The following DBNL variants were observed in gnomAD, a reference collection of about 807,000 sequenced individuals.
The protein encoded by DBNL is drebrin-like protein.
Under a neutral mutation model 62.2 loss-of-function variants are expected in DBNL, and 35 were observed. The ratio of observed to expected loss-of-function variants is 0.56; its 90% confidence interval spans 0.43 to 0.75. The LOEUF (loss-of-function observed/expected upper bound fraction) is 0.75. Ranked by LOEUF, DBNL falls within the 30% of genes least tolerant of loss-of-function variation. DBNL has a pLI of 0.00. For synonymous variants in DBNL, 197 were observed against 218.0 expected, an observed-to-expected ratio of 0.90 and a Z score of 0.85; for missense variants, 495 against 578.4, an observed-to-expected ratio of 0.86 and a Z score of 1.48.
chr7:44,051,460 A>G (rs1229993678), intron 2 of DBNL: 1 of 193,552 alleles, frequency 5.2e-6, no homozygotes, highest in Non-Finnish European at 1.1e-5. Flanking sequence ...TGTGGCAACA[A>G]TAAAATTTTG....
chr7:44,055,332 G>A (rs2096134312), intron 4 of DBNL, among the ~76,000 whole-genome samples: 1 of 152,174 alleles, frequency 6.6e-6, no homozygotes, highest in African/African-American at 2.4e-5. Context: ...GCCAGGTGTG[G>A]TGGCGGGCAC....
rs549071554 is a variant in DBNL, at chr7:44,069,179, C to T, written c.*8263C>T. On this transcript the variant is annotated 3_prime_UTR_variant, in exon 13 of 13. Coordinates refer to ENST00000448521, the MANE Select transcript of DBNL (RefSeq NM_001014436.3). ...TTCAGACAGAAGAGATTACTGGGGGCAATTCAAAACTTTGGGAATGCAGGA... is the reference window on the plus strand; with the variant it reads ...TTCAGACAGAAGAGATTACTGGGGGTAATTCAAAACTTTGGGAATGCAGGA... 64 of 152,268 alleles carry T rather than the reference C, an allele frequency of 4.2e-4. No homozygotes were observed. Among genetic ancestry groups the T allele is most frequent in the Non-Finnish European group, 7.8e-4 (53 of 68,024 alleles). The allele number at this position is 152,268 out of a possible 1,614,324, so 9.4% of individuals were successfully genotyped here.
chr7:44,059,109 G>T lies in DBNL; in HGVS notation c.835+126G>T. The T allele has an allele frequency of 9.3e-7, 1 of 1,076,534 alleles. No individual in the cohort carries two copies. 66.7% of individuals were successfully genotyped at this position (1,076,534 alleles called of 1,614,324 possible). A position where few individuals can be genotyped will look rare whatever the true frequency, so the allele number is the denominator to read the frequency against. ...TGACGGGTGAGTGAGTGAGGAGAAG[G>T]GACACCTGGGGCCATTGACCTCATC... On this transcript the variant is annotated intron_variant, in intron 9 of 12. Coordinates refer to ENST00000448521, the MANE Select transcript of DBNL (RefSeq NM_001014436.3). The surrounding 1 kb of genome is among the most constrained non-coding windows in gnomAD (Gnocchi z 4.1).
In DBNL at chr7:44,064,964, T is replaced by C; in HGVS notation, c.*4048T>C. On this transcript the variant is annotated 3_prime_UTR_variant, in exon 13 of 13. Transcript: ENST00000448521. The stretch of plus-strand genomic sequence containing the variant: ...GCCCGGGCAATGGTGTCCTTGAGGC[T>C]CTCGCAGGTGGGGAGTTCCCCGGGC... 6.2e-7 allele frequency: 1 copy of C among 1,608,160 alleles called. No individual in the cohort carries two copies. Among genetic ancestry groups the C allele is most frequent in the Non-Finnish European group, 8.5e-7 (1 of 1,179,644 alleles).
rs1271996603 is a variant in DBNL at position 44,061,897 on chromosome 7, G to A, written c.*981G>A. On this transcript the variant is annotated 3_prime_UTR_variant, in exon 13 of 13. Transcript: ENST00000448521. The stretch of plus-strand genomic sequence containing the variant: ...ATCAGCCACCAGGAAGAGGCTAAAT[G>A]TTAAGATGGGACTGAAGTTGGAGCC... 6.6e-6 allele frequency: 1 copy of A among 152,314 alleles called. No individual in the cohort carries two copies. The highest frequency in any genetic ancestry group is 6.5e-5 in the Admixed American group (1 of 15,284). 9.4% of individuals were successfully genotyped at this position (152,314 alleles called of 1,614,324 possible). A position where few individuals can be genotyped will look rare whatever the true frequency, so the allele number is the denominator to read the frequency against.
chr7:44,044,851 AGGGGCTGCCTCAGGGGTGGGTCTGTCTG>A (rs1272542719), intron 1 of DBNL, 31 bp downstream of exon 1: 1 of 1,329,432 alleles, frequency 7.5e-7, no homozygotes, highest in Non-Finnish European at 9.7e-7. Context: ...GGGTCGGGCC[AGGGGCTGCCTCAGGGGTGGGTCTGTCTG>A]GGGCGAGCGG....
At chr7:44,058,739 A>T in intron 8 of DBNL, 163 bp from the exon 9 acceptor site, 1 of 868,674 alleles carries the variant, frequency 1.2e-6, no homozygotes, top group Non-Finnish European at 1.8e-6. Context: ...TTTTAACGTT[A>T]CTTTTTATTT....
rs756853885 is a variant in DBNL, at chr7:44,059,216, C to T, written c.836-138C>T. On this transcript the variant is annotated intron_variant, in intron 9 of 12. Coordinates refer to ENST00000448521, the MANE Select transcript of DBNL (RefSeq NM_001014436.3). The surrounding 1 kb of genome is among the most constrained non-coding windows in gnomAD (Gnocchi z 4.1). ...CCACGTCACCACATAGCACATGGCC[C>T]TGGGGCCTCTGTTCCTGCACTAGCA... 9 of 974,716 alleles carry T rather than the reference C, an allele frequency of 9.2e-6. No individual in the cohort carries two copies. The highest frequency in any genetic ancestry group is 1.4e-5 in the Non-Finnish European group (9 of 657,640). 60.4% of individuals were successfully genotyped at this position (974,716 alleles called of 1,614,324 possible).
At chr7:44,056,946 G>A in intron 5 of DBNL, 43 bp downstream of exon 5, 5 of 1,610,440 alleles carry the variant, frequency 3.1e-6, no homozygotes, top group South Asian at 1.1e-5. Flanking sequence ...GTTGCTCAGG[G>A]CCTGAGGCAG....
chr7:44,065,537 G>A lies in DBNL; in HGVS notation c.*4621G>A, dbSNP rs1480751322. The A allele has an allele frequency of 1.9e-6, 3 of 1,613,524 alleles. No homozygotes were observed. The highest frequency in any genetic ancestry group is 2.2e-5 in the South Asian group (2 of 91,078). On this transcript the variant is annotated 3_prime_UTR_variant, in exon 13 of 13. Coordinates refer to ENST00000448521, the MANE Select transcript of DBNL (RefSeq NM_001014436.3). The stretch of plus-strand genomic sequence containing the variant: ...GAGGCGGTGAGTGGCCATGGTGGCA[G>A]CAGGGACCACAGAGGACTCTGGACG...
rs752278107 is a variant in DBNL at position 44,050,262 on chromosome 7, C to T, written c.121C>T (p.Arg41Cys). ...FTYEGNSNDI[R>C]VAGTGEGGLE... ...CTATGAAGGCAACAGCAATGACATC[C>T]GCGTGGCTGGCACAGGGGGTGAGTA... Residue 41 changes from arginine to cysteine, a missense_variant, in exon 2 of 13, where the codon CGC becomes TGC. Transcript: ENST00000448521. 6.2e-6 allele frequency: 10 copies of T among 1,613,582 alleles called. No homozygotes were observed. Among genetic ancestry groups the T allele is most frequent in the Non-Finnish European group, 8.5e-6 (10 of 1,179,732 alleles).
chr7:44,067,935 A>G lies in DBNL; in HGVS notation c.*7019A>G, dbSNP rs1304356791. On this transcript the variant is annotated 3_prime_UTR_variant, in exon 13 of 13. Coordinates refer to ENST00000448521, the MANE Select transcript of DBNL (RefSeq NM_001014436.3). ...TGAAACCTCAAGTGCACCAACAGAAAGAGCTCCAGGAAGAATCAGAGGAGT... is the reference window on the plus strand; with the variant it reads ...TGAAACCTCAAGTGCACCAACAGAAGGAGCTCCAGGAAGAATCAGAGGAGT... 1 of 152,234 alleles carries G rather than the reference A, an allele frequency of 6.6e-6. No individual in the cohort carries two copies. Among genetic ancestry groups the G allele is most frequent in the African/African-American group, 2.4e-5 (1 of 41,444 alleles). 9.4% of individuals were successfully genotyped at this position (152,234 alleles called of 1,614,324 possible).
Position 44,064,994 on chromosome 7 carries a change from G to A in DBNL, c.*4078G>A, listed in dbSNP as rs371397012. 6.8e-6 allele frequency: 11 copies of A among 1,606,494 alleles called. No homozygotes were observed. The African/African-American group carries it at 1.5e-4, about 21-fold the overall frequency. On this transcript the variant is annotated 3_prime_UTR_variant, in exon 13 of 13. Coordinates refer to ENST00000448521, the MANE Select transcript of DBNL (RefSeq NM_001014436.3). ...CAGGTGGGGAGTTCCCCGGGCTTCAGGCCTGCGTACCGACGCTCCTGGGGG... is the reference window on the plus strand; with the variant it reads ...CAGGTGGGGAGTTCCCCGGGCTTCAAGCCTGCGTACCGACGCTCCTGGGGG...
chr7:44,064,535 CCCTT>C lies in DBNL; in HGVS notation c.*3622_*3625del. The C allele has an allele frequency of 2.2e-6, 1 of 460,376 alleles. No individual in the cohort carries two copies. Among genetic ancestry groups the C allele is most frequent in the Non-Finnish European group, 4.0e-6 (1 of 248,970 alleles). The allele number at this position is 460,376 out of a possible 1,614,324, so 28.5% of individuals were successfully genotyped here. ...TTGGAGCCAGATGCTCTAAGCCCAG[CCCTT>C]CCGTTTCCTAGCTGGGTGTCCCTTG... is the stretch of plus-strand genomic sequence containing the variant. On this transcript the variant is annotated 3_prime_UTR_variant, in exon 13 of 13. Coordinates refer to ENST00000448521, the MANE Select transcript of DBNL (RefSeq NM_001014436.3).
At position 44,060,850 on chromosome 7, in the gene DBNL, G is replaced by A; in HGVS notation, c.1227G>A (p.Trp409Ter). ...TCGAGGTGATCGACGAAGGCTGGTGGCGTGGCTATGGGCCGGATGGCCATT... is the reference window on the plus strand; with the variant it reads ...TCGAGGTGATCGACGAAGGCTGGTGACGTGGCTATGGGCCGGATGGCCATT... ...TGIEVIDEGW[W>*]RGYGPDGHFG... is the part of the protein sequence containing the mutation. Residue 409 changes from tryptophan (W) to a stop codon, truncating the protein, a stop_gained, in exon 13 of 13, where the codon TGG (tryptophan) becomes TGA (stop). Coordinates refer to ENST00000448521, the MANE Select transcript of DBNL (RefSeq NM_001014436.3). LOFTEE classifies it high-confidence loss of function. This position sits in a 1 kb window ranked among gnomAD's most constrained non-coding sequence, Gnocchi z 6.3. 6.2e-7 allele frequency: 1 copy of A among 1,614,114 alleles called. No homozygotes were observed. The highest frequency in any genetic ancestry group is 1.1e-5 in the South Asian group (1 of 91,078).
rs1034635179 is a variant in DBNL, at chr7:44,065,230, C to T, written c.*4314C>T. ...CCCCGTGCTTGGCGGCCGTTTCTGC[C>T]TTGTTGAGGCCTGTGAGGCCCCCGT... is the stretch of plus-strand genomic sequence containing the variant. On this transcript the variant is annotated 3_prime_UTR_variant, in exon 13 of 13. Transcript: ENST00000448521. 3.7e-6 allele frequency: 6 copies of T among 1,613,894 alleles called. No homozygotes were observed. The highest frequency in any genetic ancestry group is 1.6e-4 in the Middle Eastern group (1 of 6,084).
rs1309301438 is a variant in DBNL at position 44,067,091 on chromosome 7, G to C, written c.*6175G>C. On this transcript the variant is annotated 3_prime_UTR_variant, in exon 13 of 13. Coordinates refer to ENST00000448521, the MANE Select transcript of DBNL (RefSeq NM_001014436.3). ...ATAATGTACTGGGAGAGATGGGAAA[G>C]GAGAGGCCGGGGACAGCCCTGAGGT... The C allele has an allele frequency of 6.6e-6, 1 of 152,626 alleles. No individual in the cohort carries two copies. The highest frequency in any genetic ancestry group is 6.5e-5 in the Admixed American group (1 of 15,290). 9.5% of individuals were successfully genotyped at this position (152,626 alleles called of 1,614,324 possible). A position where few individuals can be genotyped will look rare whatever the true frequency, so the allele number is the denominator to read the frequency against.
chr7:44,052,992 G>C, intron 4 of DBNL, 51 bp downstream of exon 4: 1 of 1,585,096 alleles, frequency 6.3e-7, no homozygotes, highest in Non-Finnish European at 8.5e-7. Flanking sequence ...ACAGGCTTGA[G>C]GTCTCGCAGG....
chr7:44,057,702 T>G, intron 5 of DBNL, 80 bp from the exon 6 acceptor site: 1 of 1,532,890 alleles, frequency 6.5e-7, no homozygotes, highest in Non-Finnish European at 9.0e-7. Context: ...GTCGCAAGTT[T>G]AGCGTATTCT....
Sources: gnomAD v4.1 joint callset for allele counts (sites outside exome capture counted in the v4.1 genomes callset) on GRCh38, gnomAD v4.1.1 for gene constraint, Gnocchi (gnomAD v3.1) non-coding constraint, MANE v1.5 for transcripts, NCBI Gene and HGNC (gene_info 2026-07-23, HGNC 2026-07-21) for gene names.